The following HAAO variants were observed in gnomAD, a reference collection of about 807,000 sequenced individuals.
The protein encoded by HAAO is 3-hydroxyanthranilate 3,4-dioxygenase, also known as 3-hydroxyanthranilate oxygenase.
Under a neutral mutation model 46.2 loss-of-function variants are expected in HAAO, and 49 were observed. The ratio of observed to expected loss-of-function variants is 1.06; its 90% confidence interval spans 0.84 to 1.34. The LOEUF (loss-of-function observed/expected upper bound fraction) is 1.34, where lower values mean the gene tolerates loss of function less well. Ranked by LOEUF, HAAO falls within the 40% of genes most tolerant of loss-of-function variation. The probability of loss-of-function intolerance (pLI) is 0.00; values close to 1 mark genes in which losing one functional copy is unlikely to be tolerated. For synonymous variants in HAAO, 157 were observed against 145.2 expected, an observed-to-expected ratio of 1.08 and a Z score of -0.58; for missense variants, 408 against 364.5, an observed-to-expected ratio of 1.12 and a Z score of -0.97.
chr2:42,779,135 C>G (rs1173499538), intron 4 of HAAO, among the ~76,000 whole-genome samples: 2 of 151,970 alleles, frequency 1.3e-5, no homozygotes, highest in African/African-American at 4.8e-5. Flanking sequence ...TAAATAAGTT[C>G]AGTTTCTCTA....
chr2:42,789,369 C>T (rs1672619203), intron 1 of HAAO, among the ~76,000 whole-genome samples: 1 of 152,054 alleles, frequency 6.6e-6, no homozygotes. Flanking sequence ...TTGCTTGAGG[C>T]CACTAGCCTG....
intron 6 of HAAO, 79 bp downstream of exon 6, chr2:42,770,064 C>A (rs757961797): frequency 2.6e-4 from 358 of 1,379,792 alleles, no homozygotes; most frequent in Non-Finnish European, 3.4e-4. Flanking sequence ...AAAGAGACTC[C>A]CCGGTCCCCT....
At chr2:42,783,099 G>A in intron 4 of HAAO, 1 of 577,374 alleles carries the variant, frequency 1.7e-6, no homozygotes, top group Non-Finnish European at 3.1e-6. Context: ...GAGCTTCCAG[G>A]GGGTCACAGA....
intron 4 of HAAO, among the ~76,000 whole-genome samples, chr2:42,771,554 C>T (rs569391662): frequency 1.1e-4 from 16 of 152,248 alleles, no homozygotes; most frequent in Non-Finnish European, 2.1e-4. Flanking sequence ...AGTTTTGGAC[C>T]TCTTTTCTGG....
chr2:42,792,046 G>A (rs539626849), intron 1 of HAAO, among the ~76,000 whole-genome samples: 15 of 152,288 alleles, frequency 9.8e-5, no homozygotes, highest in Non-Finnish European at 1.9e-4. Flanking sequence ...TCTGGGACAG[G>A]GTTGGGGTGT....
intron 4 of HAAO, among the ~76,000 whole-genome samples, chr2:42,771,348 A>T (rs1349122865): frequency 6.6e-6 from 1 of 151,978 alleles, no homozygotes; most frequent in East Asian, 1.9e-4. Context: ...GAATTGCTTG[A>T]ACCGGGAAGC....
chr2:42,768,252 C>T (rs1472347031), intron 7 of HAAO, among the ~76,000 whole-genome samples: 1 of 152,228 alleles, frequency 6.6e-6, no homozygotes, highest in East Asian at 1.9e-4. Flanking sequence ...ATCAGCTTCC[C>T]AGAGGGTGCC....
chr2:42,770,183 G>T lies in HAAO; in HGVS notation c.444C>A (p.Phe148Leu). The T allele has an allele frequency of 6.3e-7, 1 of 1,599,086 alleles. No individual in the cohort carries two copies. Residue 148 changes from phenylalanine to leucine, a missense_variant, in exon 6 of 10, where the codon TTC becomes TTA. By Grantham distance (22) the Phe-to-Leu change is conservative. Coordinates refer to ENST00000294973, the MANE Select transcript of HAAO (RefSeq NM_012205.3). ...GTQLAPIIQE[F>L]FSSEQYRTGK... ...CTGTTCTGTACTGCTCAGAGCTGAAGAACCTGCAAGGACGAACAGGGAGGA... is the reference window on the plus strand; with the variant it reads ...CTGTTCTGTACTGCTCAGAGCTGAATAACCTGCAAGGACGAACAGGGAGGA...
At chr2:42,768,272 T>C (rs183294386) in intron 7 of HAAO, among the ~76,000 whole-genome samples, 92 of 152,270 alleles carry the variant, frequency 6.0e-4, no homozygotes, top group African/African-American at 2.1e-3. Context: ...CACCTCCCTT[T>C]CTCTGAGAGA....
intron 7 of HAAO, among the ~76,000 whole-genome samples, chr2:42,769,144 T>G (rs563471608): frequency 6.6e-6 from 1 of 152,364 alleles, no homozygotes; most frequent in South Asian, 2.1e-4. Context: ...ATCACATGAT[T>G]GTGGCAATTG....
At chr2:42,775,131 C>T (rs1204881601) in intron 4 of HAAO, among the ~76,000 whole-genome samples, 2 of 151,830 alleles carry the variant, frequency 1.3e-5, no homozygotes, top group Admixed American at 1.3e-4. Context: ...CCTGTAATTC[C>T]AGCTATTCAG....
At chr2:42,790,853 A>G (rs985862501) in intron 1 of HAAO, among the ~76,000 whole-genome samples, 30 of 152,116 alleles carry the variant, frequency 2.0e-4, no homozygotes, top group Non-Finnish European at 1.5e-4. Context: ...TTTTAAAATC[A>G]ACTTCACTGA....
rs778641306 is a variant in HAAO at position 42,767,432 on chromosome 2, G to C, written c.*5C>G. On this transcript the variant is annotated 3_prime_UTR_variant, in exon 10 of 10. Coordinates refer to ENST00000294973, the MANE Select transcript of HAAO (RefSeq NM_012205.3). ...CTGTGGCTGCTTCAGGCCATGGCAA[G>C]AGGGTCACCCCAGGGGCTTCTTGCA... 5 of 1,608,880 alleles carry C rather than the reference G, an allele frequency of 3.1e-6. No homozygotes were observed. In the African/African-American group the frequency reaches 5.3e-5, roughly 17 times the overall value.
intron 2 of HAAO, 151 bp from the exon 3 acceptor site, chr2:42,784,018 C>G: frequency 7.0e-7 from 1 of 1,418,632 alleles, no homozygotes; most frequent in Non-Finnish European, 9.4e-7. Context: ...GTCCTGAGGC[C>G]TGTCTCCCCG....
chr2:42,774,313 G>C lies in HAAO; in HGVS notation c.351-3731C>G, dbSNP rs763514802. On this transcript the variant is annotated intron_variant, in intron 4 of 9. Coordinates refer to ENST00000294973, the MANE Select transcript of HAAO (RefSeq NM_012205.3). The stretch of plus-strand genomic sequence containing the variant: ...TAACCACAGAGGCATTCTGAGTGGA[G>C]GTGCCCCTGACCTTAGACAAATCTC... 4.5e-4 allele frequency among the ~76,000 whole-genome samples: 68 copies of C among 152,156 alleles called. 1 individual carries two copies. The highest frequency in any genetic ancestry group is 1.3e-4 in the Non-Finnish European group (9 of 68,038).
At chr2:42,780,811 T>C (rs956495796) in intron 4 of HAAO, among the ~76,000 whole-genome samples, 5 of 150,998 alleles carry the variant, frequency 3.3e-5, no homozygotes, top group Non-Finnish European at 7.4e-5. Context: ...CTCATGCCTA[T>C]AATCCCAGCA....
intron 4 of HAAO, among the ~76,000 whole-genome samples, chr2:42,779,952 T>C (rs952368036): frequency 1.3e-5 from 2 of 152,212 alleles, no homozygotes; most frequent in Non-Finnish European, 2.9e-5. Context: ...TGTATTTGTA[T>C]AAATATATTA....
intron 4 of HAAO, 147 bp from the exon 5 acceptor site, chr2:42,770,729 A>G (rs964619593): frequency 5.7e-6 from 3 of 523,844 alleles, no homozygotes; most frequent in Non-Finnish European, 1.0e-5. Context: ...GTCACTGGTC[A>G]CTTAACACCT....
At chr2:42,791,923 G>GTGTGTGT (rs3040147) in intron 1 of HAAO, among the ~76,000 whole-genome samples, 32,383 of 150,068 alleles carry the variant, frequency 0.22, 3,681 homozygotes, top group African/African-American at 0.29. Flanking sequence ...GGTCTGGTGT[G>GTGTGTGT]GTGTGTGTGT....
Sources: allele counts gnomAD v4.1 joint callset (sites outside exome capture counted in the v4.1 genomes callset), GRCh38; gene constraint gnomAD v4.1.1; transcripts MANE v1.5; gene names NCBI Gene and HGNC (gene_info 2026-07-23, HGNC 2026-07-21).